The following IKBKB variants were observed in gnomAD, a reference collection of about 807,000 sequenced individuals.
The protein encoded by IKBKB is inhibitor of nuclear factor kappa-B kinase subunit beta.
IKBKB carries 42 observed loss-of-function variants against 113.6 expected under a neutral mutation model. That is an observed-to-expected ratio of 0.37 (90% CI 0.29 to 0.48). The LOEUF is 0.48. IKBKB is among the 20% of genes least tolerant of loss of function. The probability of loss-of-function intolerance (pLI) is 0.99; values close to 1 mark genes in which losing one functional copy is unlikely to be tolerated. For missense variants in IKBKB, 673 were observed against 939.7 expected (o/e 0.72, Z 3.71); for synonymous variants, 296 against 361.3 (o/e 0.82, Z 2.05).
intron 5 of IKBKB, 127 bp downstream of exon 5, chr8:42,293,639 C>T (rs926948074): frequency 7.9e-5 from 121 of 1,536,178 alleles, no homozygotes; most frequent in Admixed American, 3.4e-4. Flanking sequence ...AATGGGAGCC[C>T]AGGGACGGGG....
At chr8:42,292,855 A>G (rs1440961059) in intron 4 of IKBKB, among the ~76,000 whole-genome samples, 1 of 152,132 alleles carries the variant, frequency 6.6e-6, no homozygotes, top group Non-Finnish European at 1.5e-5. Flanking sequence ...GTGTAACCTC[A>G]GTTTCCTCCT....
In IKBKB at chr8:42,321,080, G is replaced by T. The variant is rs1819694937; in HGVS notation, c.1688+236G>T. The T allele has an allele frequency of 7.2e-6, 3 of 418,618 alleles. No individual in the cohort carries two copies. In the Admixed American group the frequency reaches 1.2e-4, roughly 17 times the overall value. 25.9% of individuals were successfully genotyped at this position (418,618 alleles called of 1,614,324 possible). Reference sequence around the variant, plus strand: ...AAGGATGAATTCAGATAATGCATTTGAGACGCAGGCCATAATCTGTAAAGG... The same window carrying T: ...AAGGATGAATTCAGATAATGCATTTTAGACGCAGGCCATAATCTGTAAAGG... On this transcript the variant is annotated intron_variant, in intron 16 of 21. Transcript: ENST00000520810.
intron 17 of IKBKB, 34 bp from the exon 18 acceptor site, chr8:42,322,020 C>T (rs1352040463): frequency 6.2e-6 from 10 of 1,608,064 alleles, no homozygotes; most frequent in Non-Finnish European, 7.7e-6. Flanking sequence ...CTGCTGGCTT[C>T]CTTGAGGAAC....
intron 4 of IKBKB, among the ~76,000 whole-genome samples, chr8:42,292,634 A>G (rs1406984746): frequency 1.3e-5 from 2 of 152,230 alleles, no homozygotes; most frequent in East Asian, 3.8e-4. Flanking sequence ...GTTTATGAAT[A>G]TGACGTGAAT....
chr8:42,301,108 C>T (rs371630156), intron 5 of IKBKB, among the ~76,000 whole-genome samples: 4 of 152,044 alleles, frequency 2.6e-5, no homozygotes, highest in Admixed American at 2.0e-4. Flanking sequence ...CCTCCTCCCT[C>T]GGCCTCCGAA....
At chr8:42,293,300 G>T in intron 4 of IKBKB, 143 bp from the exon 5 acceptor site, 1 of 946,842 alleles carries the variant, frequency 1.1e-6, no homozygotes. Flanking sequence ...TAGTTCTGCA[G>T]CCCTGGCTTC....
intron 5 of IKBKB, among the ~76,000 whole-genome samples, chr8:42,303,450 A>G (rs1331611697): frequency 6.6e-6 from 1 of 151,662 alleles, no homozygotes; most frequent in Non-Finnish European, 1.5e-5. Context: ...TACCATTTGT[A>G]TCTCTTCTTC....
intron 2 of IKBKB, among the ~76,000 whole-genome samples, chr8:42,276,072 C>T (rs1433603444): frequency 1.3e-5 from 2 of 152,118 alleles, no homozygotes; most frequent in African/African-American, 2.4e-5. Context: ...AATTCCTGAC[C>T]TCAGGTGATC....
At chr8:42,303,089 GAATGAGA>G (rs1416835744) in intron 5 of IKBKB, among the ~76,000 whole-genome samples, 1 of 132,518 alleles carries the variant, frequency 7.5e-6, no homozygotes, top group African/African-American at 3.3e-5. Context: ...GAGAGAGAGA[GAATGAGA>G]GAGAGAGAGA....
At chr8:42,299,363 T>C (rs1259812410) in intron 5 of IKBKB, among the ~76,000 whole-genome samples, 1 of 152,124 alleles carries the variant, frequency 6.6e-6, no homozygotes, top group Non-Finnish European at 1.5e-5. Context: ...TACCCTTCTG[T>C]CTTGGAAGGG....
intron 2 of IKBKB, among the ~76,000 whole-genome samples, chr8:42,280,950 G>A (rs1397539685): frequency 6.6e-6 from 1 of 152,034 alleles, no homozygotes; most frequent in African/African-American, 2.4e-5. Flanking sequence ...GCCTGGGCCC[G>A]AGCTCTGTCA....
intron 8 of IKBKB, 110 bp from the exon 9 acceptor site, chr8:42,314,212 G>A: frequency 3.7e-6 from 3 of 802,078 alleles, no homozygotes; most frequent in Non-Finnish European, 6.7e-6. Flanking sequence ...AAACCATCTA[G>A]GTTTGTGTTA....
Position 42,306,287 on chromosome 8 carries a change from C to T in IKBKB, c.478-56C>T, listed in dbSNP as rs17875703. 8.8e-5 allele frequency: 98 copies of T among 1,114,828 alleles called. No homozygotes were observed. In the African/African-American group the frequency reaches 1.2e-3, roughly 13 times the overall value. 69.1% of individuals were successfully genotyped at this position (1,114,828 alleles called of 1,614,324 possible). A position where few individuals can be genotyped will look rare whatever the true frequency, so the allele number is the denominator to read the frequency against. ...TCTAACACCAGGCAGTCAGAATCCT[C>T]GTAGAAGGACATTGTGTTCTTATAA... On this transcript the variant is annotated intron_variant, in intron 6 of 21. Transcript: ENST00000520810.
chr8:42,281,783 C>G (rs539418811), intron 2 of IKBKB, among the ~76,000 whole-genome samples: 1 of 152,300 alleles, frequency 6.6e-6, no homozygotes, highest in South Asian at 2.1e-4. Flanking sequence ...GAGGTTTTTA[C>G]TAATTGCCCC....
intron 4 of IKBKB, among the ~76,000 whole-genome samples, chr8:42,292,845 G>A (rs530251659): frequency 6.6e-6 from 1 of 152,180 alleles, no homozygotes; most frequent in African/African-American, 2.4e-5. Context: ...GTATCCGACC[G>A]TGTAACCTCA....
Position 42,274,789 on chromosome 8 carries a change from C to G in IKBKB, c.105+2584C>G, listed in dbSNP as rs1021611932. Among the ~76,000 whole-genome samples, 9 of 26,460 alleles carry G rather than the reference C, an allele frequency of 3.4e-4. 3 individuals carry two copies. The highest frequency in any genetic ancestry group is 7.0e-4 in the Non-Finnish European group (9 of 12,934). 17.4% of individuals were successfully genotyped at this position (26,460 alleles called of 152,430 possible). ...CTTAGGTGATCCCCGCCGGCGCGCC[C>G]CCCCCCCCCCCCGCCATCCCAGCCT... On this transcript the variant is annotated intron_variant, in intron 2 of 21. Transcript: ENST00000520810.
intron 2 of IKBKB, among the ~76,000 whole-genome samples, chr8:42,284,852 CTT>C (rs559953662): frequency 1.7e-4 from 20 of 116,082 alleles, no homozygotes; most frequent in Non-Finnish European, 1.9e-4. Flanking sequence ...AAACGTTATT[CTT>C]TTTTTTTTTT....
intron 16 of IKBKB, 44 bp downstream of exon 16, chr8:42,320,888 A>G: frequency 7.7e-7 from 1 of 1,294,900 alleles, no homozygotes. Flanking sequence ...GCACACACAG[A>G]CAGCCCTGGA....
At chr8:42,308,635 A>G (rs148132115) in intron 7 of IKBKB, among the ~76,000 whole-genome samples, 1 of 152,300 alleles carries the variant, frequency 6.6e-6, no homozygotes, top group East Asian at 1.9e-4. Flanking sequence ...GTTAAAGCCT[A>G]GCGATGGGTG....
Sources: allele counts gnomAD v4.1 joint callset (sites outside exome capture counted in the v4.1 genomes callset), GRCh38; gene constraint gnomAD v4.1.1; transcripts MANE v1.5; gene names NCBI Gene and HGNC (gene_info 2026-07-23, HGNC 2026-07-21).